Variants in ZNF345 observed in about 807,000 individuals in gnomAD.
ZNF345 encodes zinc finger protein HZF10.
For missense variants in ZNF345, 527 were observed against 589.9 expected (o/e 0.89, Z 1.10); for synonymous variants, 166 against 187.9 (o/e 0.88, Z 0.95).
At chr19:36,886,520 C>G (rs1047517750) in intron 3 of ZNF345, among the ~76,000 whole-genome samples, 3 of 152,174 alleles carry the variant, frequency 2.0e-5, no homozygotes, top group African/African-American at 7.2e-5. Flanking sequence ...CTACGCTATA[C>G]TGACCTCCTC....
intron 2 of ZNF345, among the ~76,000 whole-genome samples, chr19:36,869,671 C>A (rs1450155091): frequency 2.6e-5 from 4 of 151,888 alleles, no homozygotes; most frequent in Non-Finnish European, 4.4e-5. Flanking sequence ...AAAGACCTGA[C>A]AAATTATTAC....
intron 2 of ZNF345, among the ~76,000 whole-genome samples, chr19:36,876,027 C>G (rs993105566): frequency 6.6e-5 from 10 of 152,154 alleles, no homozygotes; most frequent in African/African-American, 2.4e-4. Context: ...TATCACATTG[C>G]CTCCTGTCTT....
intron 2 of ZNF345, among the ~76,000 whole-genome samples, chr19:36,857,451 C>T (rs1449627684): frequency 5.3e-5 from 8 of 152,012 alleles, no homozygotes; most frequent in African/African-American, 7.2e-5. Context: ...GGACTACAGG[C>T]GCCCGCCACC....
At chr19:36,890,145 T>C (rs957916438) in intron 3 of ZNF345, 3 of 152,206 alleles carry the variant, frequency 2.0e-5, no homozygotes, top group African/African-American at 7.2e-5. Context: ...ATGATTTTGT[T>C]TTTTTAAAAT....
At chr19:36,862,552 C>T (rs1264022840) in intron 2 of ZNF345, among the ~76,000 whole-genome samples, 2 of 150,014 alleles carry the variant, frequency 1.3e-5, no homozygotes, top group Non-Finnish European at 3.0e-5. Context: ...TAGGCCCAGC[C>T]ACTTGGGAAG....
intron 2 of ZNF345, among the ~76,000 whole-genome samples, chr19:36,856,968 C>A (rs2146130743): frequency 6.6e-6 from 1 of 152,064 alleles, no homozygotes; most frequent in Admixed American, 6.5e-5. Flanking sequence ...GTAATCCTAT[C>A]AATTAGATAT....
chr19:36,857,301 ATTGT>A (rs1383185801), intron 2 of ZNF345, among the ~76,000 whole-genome samples: 1 of 151,390 alleles, frequency 6.6e-6, no homozygotes, highest in Non-Finnish European at 1.5e-5. Flanking sequence ...TCTTATAAAA[ATTGT>A]TTATTTATTT....
At chr19:36,850,681 G>C (rs536436813), upstream of ZNF345, 12 of 152,228 alleles carry the variant, frequency 7.9e-5, no homozygotes, top group Admixed American at 7.2e-4. Context: ...CTCCCGGAAG[G>C]CTCCGATGGG....
At chr19:36,891,564 G>C (rs1235416650) in intron 3 of ZNF345, 1 of 1,612,248 alleles carries the variant, frequency 6.2e-7, no homozygotes, top group Non-Finnish European at 8.5e-7. Context: ...ATTCCTTACA[G>C]TCATAGGGTT....
chr19:36,859,539 ATC>A (rs2072500421), intron 2 of ZNF345, among the ~76,000 whole-genome samples: 1 of 151,390 alleles, frequency 6.6e-6, no homozygotes, highest in Admixed American at 6.6e-5. Context: ...TTGAATTCAA[ATC>A]TGTTTTATAT....
Position 36,876,896 on chromosome 19 carries a change from C to T in ZNF345, c.66C>T (p.Asn22=). The T allele has an allele frequency of 6.2e-7, 1 of 1,614,016 alleles. No homozygotes were observed. The highest frequency in any genetic ancestry group is 8.5e-7 in the Non-Finnish European group (1 of 1,179,938). Residue 22 remains asparagine (N), a synonymous_variant, in exon 3 of 3, where the codon AAC becomes AAT. Coordinates refer to ENST00000420450, the MANE Select transcript of ZNF345 (RefSeq NM_001242472.2). ...SSFRGDWECK[N]QFERKQGSQE... ...TCAGAGGTGATTGGGAATGTAAAAA[C>T]CAGTTTGAGAGAAAACAGGGATCTC...
intron 3 of ZNF345, chr19:36,890,095 A>G (rs1284805434): frequency 6.6e-6 from 1 of 152,188 alleles, no homozygotes; most frequent in Admixed American, 6.5e-5. Context: ...TGGTATTGAT[A>G]TCTAGTTTTA....
intron 3 of ZNF345, chr19:36,892,019 G>A (rs1241891156): frequency 1.2e-6 from 2 of 1,613,650 alleles, no homozygotes; most frequent in Non-Finnish European, 1.7e-6. Flanking sequence ...ATTCTCTGAT[G>A]ATCATTAAGG....
intron 3 of ZNF345, chr19:36,892,623 G>A (rs1972750147): frequency 2.4e-6 from 2 of 830,952 alleles, no homozygotes; most frequent in Non-Finnish European, 3.6e-6. Flanking sequence ...GACAAGAAAA[G>A]CACAGACATT....
rs750635918 is a variant in ZNF345, at chr19:36,877,014, C to T, written c.184C>T (p.Leu62Phe). 2 of 1,614,080 alleles carry T rather than the reference C, an allele frequency of 1.2e-6. No homozygotes were observed. Among genetic ancestry groups the T allele is most frequent in the Non-Finnish European group, 8.5e-7 (1 of 1,179,992 alleles). ...HQRIHTDEKL[L>F]ECKECGKDFS... ...GAGAATTCATACTGATGAGAAACTCCTTGAATGTAAGGAATGTGGGAAGGA... is the reference window on the plus strand; with the variant it reads ...GAGAATTCATACTGATGAGAAACTCTTTGAATGTAAGGAATGTGGGAAGGA... Residue 62 changes from leucine (L) to phenylalanine (F), a missense_variant, in exon 3 of 3, where the codon CTT becomes TTT. Transcript: ENST00000420450.
chr19:36,853,245 CTTTTTTTT>C (rs902150512), intron 2 of ZNF345, among the ~76,000 whole-genome samples: 3 of 106,534 alleles, frequency 2.8e-5, no homozygotes, highest in Admixed American at 9.7e-5. Flanking sequence ...TTCTTTCTTT[CTTTTTTTT>C]TTTTTTTTTT....
At chr19:36,870,241 G>A (rs1415781667) in intron 2 of ZNF345, among the ~76,000 whole-genome samples, 1 of 152,028 alleles carries the variant, frequency 6.6e-6, no homozygotes, top group African/African-American at 2.4e-5. Context: ...ATATTTTTAC[G>A]CAACTTTGTT....
At chr19:36,889,142 A>G (rs2073026453) in intron 3 of ZNF345, 3 of 152,140 alleles carry the variant, frequency 2.0e-5, no homozygotes, top group African/African-American at 7.2e-5. Context: ...CCAGGAATAA[A>G]ATCCACTTGA....
chr19:36,864,313 C>T (rs1222272688), intron 2 of ZNF345, among the ~76,000 whole-genome samples: 1 of 152,044 alleles, frequency 6.6e-6, no homozygotes, highest in Admixed American at 6.5e-5. Context: ...TAACTTAAAG[C>T]CAGGAATTTC....
Sources: allele counts gnomAD v4.1 joint callset (sites outside exome capture counted in the v4.1 genomes callset), GRCh38; gene constraint gnomAD v4.1.1; transcripts MANE v1.5; gene names NCBI Gene and HGNC (gene_info 2026-07-23, HGNC 2026-07-21).